STAM: variants seen among roughly 807,000 people sequenced by gnomAD.
The protein encoded by STAM is signal transducing adaptor molecule, also known as signal transducing adapter molecule 1.
A neutral mutation model predicts 63.4 loss-of-function variants in STAM; 16 were observed. The ratio of observed to expected loss-of-function variants is 0.25; its 90% CI spans 0.17 to 0.38. The LOEUF is 0.38. STAM is among the 10% of genes least tolerant of loss of function. The pLI is 1.00. For synonymous variants in STAM, 238 were observed against 223.9 expected (o/e 1.06, Z -0.56); for missense variants, 636 against 657.1 (o/e 0.97, Z 0.35).
chr10:17,644,199 G>C lies in STAM; in HGVS notation c.-141G>C. On this transcript the variant is annotated 5_prime_UTR_variant, in exon 1 of 14. Coordinates refer to ENST00000377524, the MANE Select transcript of STAM (RefSeq NM_003473.4). ...CTGCTGCCGCGGTTGGTGGGGTTGG[G>C]TGAGAGGAGGAGCTGTCGCGGACCC... The C allele has an allele frequency of 1.1e-6, 1 of 873,810 alleles. No individual in the cohort carries two copies. The highest frequency in any genetic ancestry group is 1.8e-6 in the Non-Finnish European group (1 of 544,222). 54.1% of individuals were successfully genotyped at this position (873,810 alleles called of 1,614,324 possible).
chr10:17,668,368 T>C (rs1452512138), intron 2 of STAM, among the ~76,000 whole-genome samples: 1 of 152,212 alleles, frequency 6.6e-6, no homozygotes, highest in Non-Finnish European at 1.5e-5. Flanking sequence ...TCCGACACAA[T>C]TTCCCCAATT....
chr10:17,682,994 C>T (rs1353104570), intron 2 of STAM, among the ~76,000 whole-genome samples: 1 of 152,082 alleles, frequency 6.6e-6, no homozygotes, highest in African/African-American at 2.4e-5. Flanking sequence ...TCTCTTTATC[C>T]CTGTTAGTAT....
intron 1 of STAM, among the ~76,000 whole-genome samples, chr10:17,653,255 C>T (rs782239227): frequency 4.6e-5 from 7 of 152,082 alleles, no homozygotes; most frequent in East Asian, 1.9e-4. Context: ...CCCAGTCCAT[C>T]GAAACCTACA....
At chr10:17,698,821 T>G (rs1835869360) in intron 8 of STAM, among the ~76,000 whole-genome samples, 1 of 152,212 alleles carries the variant, frequency 6.6e-6, no homozygotes, top group Admixed American at 6.5e-5. Flanking sequence ...ATATGAAGTC[T>G]GCCATGTTTT....
In STAM at chr10:17,691,847, A is replaced by G. The variant is rs560618617; in HGVS notation, c.445-1375A>G. Among the ~76,000 whole-genome samples, 7 of 152,342 alleles carry G rather than the reference A, an allele frequency of 4.6e-5. No individual in the cohort carries two copies. In the South Asian group the frequency reaches 1.0e-3, roughly 23 times the overall value. On this transcript the variant is annotated intron_variant, in intron 5 of 13. Coordinates refer to ENST00000377524, the MANE Select transcript of STAM (RefSeq NM_003473.4). ...TAAATTGTTTGCCCTGGGAATGACA[A>G]TATACATTCATAACTTTTCATGATC... is the stretch of plus-strand genomic sequence containing the variant.
At chr10:17,673,834 A>G (rs1222213820) in intron 2 of STAM, among the ~76,000 whole-genome samples, 1 of 152,240 alleles carries the variant, frequency 6.6e-6, no homozygotes, top group Non-Finnish European at 1.5e-5. Context: ...TAGTGTTACA[A>G]CTATTATCTG....
intron 5 of STAM, among the ~76,000 whole-genome samples, chr10:17,692,736 T>C (rs1835592246): frequency 6.6e-6 from 1 of 152,198 alleles, no homozygotes; most frequent in Non-Finnish European, 1.5e-5. Flanking sequence ...TTTTGAGCAT[T>C]TATATCGTTT....
chr10:17,683,082 T>C (rs1268530178), intron 2 of STAM, among the ~76,000 whole-genome samples: 1 of 152,258 alleles, frequency 6.6e-6, no homozygotes, highest in African/African-American at 2.4e-5. Flanking sequence ...GCCATTTTTC[T>C]AGATGATTGG....
chr10:17,686,118 T>C (rs61842308), intron 4 of STAM, among the ~76,000 whole-genome samples: 18,668 of 152,256 alleles, frequency 0.12, 1,248 homozygotes, highest in Middle Eastern at 0.29. Context: ...TCCTGCTTTA[T>C]GCAGTTAATA....
intron 2 of STAM, among the ~76,000 whole-genome samples, chr10:17,665,463 AT>A (rs1407880557): frequency 2.0e-5 from 3 of 152,034 alleles, no homozygotes; most frequent in South Asian, 2.1e-4. Flanking sequence ...ATGTGAATAC[AT>A]TTTCCCCCCA....
rs782002028 is a variant in STAM, at chr10:17,693,284, C to G, written c.507C>G (p.Asn169Lys). ...LVAKDPGTVANKKEEEDLAKA... is the reference protein window; with the variant it reads ...LVAKDPGTVAKKKEEEDLAKA... ...CCAAGGATCCTGGTACTGTGGCTAA[C>G]AAAAAAGAAGAAGAAGATTTAGCAA... The change falls in exon 6 of 14, where the codon AAC becomes AAG. Residue 169 changes from asparagine to lysine, a missense_variant. Asn to Lys is a moderately conservative substitution (Grantham distance 94). This residue lies in a region of STAM where 532 missense variants were observed against 536.9 expected (regional missense o/e 0.99). Transcript: ENST00000377524. 1.1e-5 allele frequency: 17 copies of G among 1,611,372 alleles called. No homozygotes were observed. Among genetic ancestry groups the G allele is most frequent in the Non-Finnish European group, 1.4e-5 (17 of 1,179,360 alleles).
intron 2 of STAM, among the ~76,000 whole-genome samples, chr10:17,671,679 T>C (rs572767078): frequency 1.8e-4 from 27 of 152,328 alleles, no homozygotes; most frequent in African/African-American, 4.1e-4. Context: ...GTTTTTAGTC[T>C]GACATAGGTT....
At chr10:17,682,088 G>A (rs1835109915) in intron 2 of STAM, among the ~76,000 whole-genome samples, 1 of 152,042 alleles carries the variant, frequency 6.6e-6, no homozygotes, top group African/African-American at 2.4e-5. Context: ...GATGAGTTTT[G>A]ACAAATATAT....
chr10:17,685,011 T>TAGTCC, intron 4 of STAM, 84 bp downstream of exon 4: 6 of 1,096,080 alleles, frequency 5.5e-6, no homozygotes, highest in Non-Finnish European at 7.8e-6. Flanking sequence ...CAGAGGACTA[T>TAGTCC]TCTGTGCTTT....
At chr10:17,647,302 T>G (rs72780791) in intron 1 of STAM, among the ~76,000 whole-genome samples, 19,174 of 152,256 alleles carry the variant, frequency 0.13, 1,620 homozygotes, top group Non-Finnish European at 0.18. Context: ...CCAAATCCAA[T>G]GGTCACTTTC....
intron 2 of STAM, among the ~76,000 whole-genome samples, chr10:17,665,480 A>G (rs993793405): frequency 6.6e-6 from 1 of 152,092 alleles, no homozygotes; most frequent in Non-Finnish European, 1.5e-5. Context: ...CCCCATTTAC[A>G]TGTAATAAGA....
chr10:17,703,630 A>C (rs573716832), intron 9 of STAM, among the ~76,000 whole-genome samples: 37 of 152,320 alleles, frequency 2.4e-4, no homozygotes, highest in South Asian at 6.2e-4. Flanking sequence ...GTGTGTATGT[A>C]ATAATGGTTT....
chr10:17,653,631 G>A (rs550773367), intron 1 of STAM, among the ~76,000 whole-genome samples: 10 of 152,252 alleles, frequency 6.6e-5, no homozygotes, highest in East Asian at 5.8e-4. Flanking sequence ...TGTCTGTACC[G>A]AACACATAGA....
chr10:17,651,035 A>G (rs11814206), intron 1 of STAM, among the ~76,000 whole-genome samples: 16,135 of 134,800 alleles, frequency 0.12, 984 homozygotes, highest in Middle Eastern at 0.18. Context: ...ACTGCATTCC[A>G]GCCTTGGTGA....
Sources: allele counts gnomAD v4.1 joint callset (sites outside exome capture counted in the v4.1 genomes callset), GRCh38; gene constraint gnomAD v4.1.1; regional missense constraint gnomAD v4.1.1; transcripts MANE v1.5; gene names NCBI Gene and HGNC (gene_info 2026-07-23, HGNC 2026-07-21).